JAZF1: variants seen among roughly 807,000 people sequenced by gnomAD.
JAZF1 encodes the protein juxtaposed with another zinc finger protein 1.
A neutral mutation model predicts 26.4 loss-of-function variants in JAZF1; 8 were observed. That is an observed-to-expected ratio of 0.30 (90% CI 0.18 to 0.55). The LOEUF (loss-of-function observed/expected upper bound fraction) is 0.55, where lower values mean the gene tolerates loss of function less well. Ranked by LOEUF, JAZF1 falls within the 20% of genes least tolerant of loss-of-function variation. JAZF1 has a pLI of 0.94. For synonymous variants in JAZF1, 126 were observed against 122.3 expected (o/e 1.03, Z -0.20); for missense variants, 199 against 322.0 (o/e 0.62, Z 2.92).
chr7:27,878,391 C>CG (rs1783717006), intron 3 of JAZF1, among the ~76,000 whole-genome samples: 1 of 152,170 alleles, frequency 6.6e-6, no homozygotes, highest in Non-Finnish European at 1.5e-5. Context: ...CACACACACC[C>CG]CATTTCCCCA....
At chr7:28,171,554 C>A (rs1783469854) in intron 1 of JAZF1, among the ~76,000 whole-genome samples, 1 of 152,146 alleles carries the variant, frequency 6.6e-6, no homozygotes, top group Non-Finnish European at 1.5e-5. Context: ...TCAGAGCACA[C>A]CCCCGCTGGT....
intron 1 of JAZF1, among the ~76,000 whole-genome samples, chr7:28,075,222 T>C (rs1385429751): frequency 6.6e-6 from 1 of 152,120 alleles, no homozygotes; most frequent in Non-Finnish European, 1.5e-5. Flanking sequence ...GTTGGCAGCA[T>C]TTTCCAAAAT....
chr7:28,136,935 C>T lies in JAZF1; in HGVS notation c.115+43528G>A, dbSNP rs572692621. ...TGGATGAGTGTTCACACGGGAGGCT[C>T]GCAGGAGATGAGGCTGCAGGGCCAG... On this transcript the variant is annotated intron_variant, in intron 1 of 4. Coordinates refer to ENST00000283928, the MANE Select transcript of JAZF1 (RefSeq NM_175061.4). Among the ~76,000 whole-genome samples, 7 of 152,222 alleles carry T rather than the reference C, an allele frequency of 4.6e-5. 1 individual carries two copies. In the East Asian group the frequency reaches 1.4e-3, roughly 29 times the overall value.
intron 2 of JAZF1, among the ~76,000 whole-genome samples, chr7:27,932,106 A>C (rs559274737): frequency 2.6e-5 from 4 of 152,272 alleles, no homozygotes; most frequent in Admixed American, 2.6e-4. Flanking sequence ...AAATAAGCCA[A>C]AGGAAAAGCG....
chr7:28,059,067 G>A (rs1562573528), intron 1 of JAZF1, among the ~76,000 whole-genome samples: 1 of 152,008 alleles, frequency 6.6e-6, no homozygotes, highest in Non-Finnish European at 1.5e-5. Context: ...TATATTTTGG[G>A]GTGATAGTAG....
intron 1 of JAZF1, among the ~76,000 whole-genome samples, chr7:28,175,633 A>G (rs1031067279): frequency 3.3e-5 from 5 of 152,206 alleles, no homozygotes; most frequent in Admixed American, 2.0e-4. Flanking sequence ...TCGCTATGCC[A>G]CTGCTCAGAT....
chr7:27,950,570 C>G (rs976683454), intron 2 of JAZF1, among the ~76,000 whole-genome samples: 2 of 152,204 alleles, frequency 1.3e-5, no homozygotes, highest in South Asian at 4.1e-4. Flanking sequence ...TTTTATGACA[C>G]TAACCCTAAT....
chr7:27,851,076 G>A (rs1260070505), intron 3 of JAZF1, among the ~76,000 whole-genome samples: 1 of 152,064 alleles, frequency 6.6e-6, no homozygotes, highest in Non-Finnish European at 1.5e-5. Context: ...CTGAGTAGCT[G>A]GGATTACAGG....
intron 1 of JAZF1, among the ~76,000 whole-genome samples, chr7:28,122,733 C>T (rs1328346253): frequency 1.3e-5 from 2 of 152,040 alleles, no homozygotes; most frequent in African/African-American, 4.8e-5. Context: ...AGCAGGGACG[C>T]AGCACTCATG....
chr7:27,917,279 C>G (rs113764679), intron 2 of JAZF1, among the ~76,000 whole-genome samples: 125 of 152,338 alleles, frequency 8.2e-4, no homozygotes, highest in African/African-American at 2.8e-3. Flanking sequence ...GAGGCACAGT[C>G]TTCTCTAAAG....
At chr7:27,977,978 AGTT>A (rs989591201) in intron 2 of JAZF1, among the ~76,000 whole-genome samples, 1 of 152,194 alleles carries the variant, frequency 6.6e-6, no homozygotes, top group Non-Finnish European at 1.5e-5. Flanking sequence ...ACATTTGTCC[AGTT>A]GTTTATGGTG....
intron 1 of JAZF1, among the ~76,000 whole-genome samples, chr7:28,057,566 C>T (rs547057569): frequency 6.6e-6 from 1 of 152,272 alleles, no homozygotes; most frequent in South Asian, 2.1e-4. Flanking sequence ...ATTTTTCAAA[C>T]ATACACGAAA....
At chr7:28,157,355 GC>G (rs1453583889) in intron 1 of JAZF1, among the ~76,000 whole-genome samples, 1 of 152,208 alleles carries the variant, frequency 6.6e-6, no homozygotes, top group Non-Finnish European at 1.5e-5. Context: ...GGCTTTGTGG[GC>G]CCTATCAGCT....
intron 1 of JAZF1, among the ~76,000 whole-genome samples, chr7:28,010,813 A>G (rs1782786535): frequency 6.6e-6 from 1 of 152,258 alleles, no homozygotes; most frequent in Admixed American, 6.5e-5. Context: ...ATGAAAGGTA[A>G]GAGGATTCTC....
Position 27,905,120 on chromosome 7 carries a change from G to A in JAZF1, c.189-9704C>T, listed in dbSNP as rs950239021. ...AGCTAATTTTTGTATTTTTTGTAGA[G>A]CACCACATCCAAGGCTAAATTTTTG... is the stretch of plus-strand genomic sequence containing the variant. On this transcript the variant is annotated intron_variant, in intron 2 of 4. Coordinates refer to ENST00000283928, the MANE Select transcript of JAZF1 (RefSeq NM_175061.4). Among the ~76,000 whole-genome samples the A allele has an allele frequency of 2.2e-5, 3 of 134,650 alleles. No homozygotes were observed. The Admixed American group carries it at 2.4e-4, about 11-fold the overall frequency. The allele number at this position is 134,650 out of a possible 152,430, so 88.3% of individuals were successfully genotyped here. A position where few individuals can be genotyped will look rare whatever the true frequency, so the allele number is the denominator to read the frequency against.
At chr7:27,913,805 T>A (rs146266248) in intron 2 of JAZF1, among the ~76,000 whole-genome samples, 2 of 152,314 alleles carry the variant, frequency 1.3e-5, no homozygotes, top group East Asian at 1.9e-4. Flanking sequence ...AGTTGTTACC[T>A]AGCAGGGGCT....
chr7:28,089,902 C>T (rs1025309150), intron 1 of JAZF1, among the ~76,000 whole-genome samples: 1 of 152,160 alleles, frequency 6.6e-6, no homozygotes, highest in African/African-American at 2.4e-5. Context: ...TTCTTCCTGA[C>T]TACATATAGT....
At chr7:28,075,018 T>G (rs1248728041) in intron 1 of JAZF1, among the ~76,000 whole-genome samples, 1 of 152,118 alleles carries the variant, frequency 6.6e-6, no homozygotes, top group East Asian at 1.9e-4. Flanking sequence ...AAATCCACTT[T>G]TAAAGAACTG....
chr7:27,875,721 ATC>A (rs1165738807), intron 3 of JAZF1, among the ~76,000 whole-genome samples: 1 of 152,054 alleles, frequency 6.6e-6, no homozygotes, highest in Non-Finnish European at 1.5e-5. Context: ...GAATCTTACC[ATC>A]TGTCTCCCCA....
Sources: allele counts gnomAD v4.1 joint callset (sites outside exome capture counted in the v4.1 genomes callset), GRCh38; gene constraint gnomAD v4.1.1; transcripts MANE v1.5; gene names NCBI Gene and HGNC (gene_info 2026-07-23, HGNC 2026-07-21).